Variants in KIAA1217 observed in about 807,000 individuals in gnomAD.
KIAA1217 encodes the protein KIAA1217.
A neutral mutation model predicts 163.9 loss-of-function variants in KIAA1217; 88 were observed. The ratio of observed to expected loss-of-function variants is 0.54; its 90% CI spans 0.45 to 0.64. KIAA1217 has a LOEUF of 0.64. KIAA1217 is among the 30% of genes least tolerant of loss of function. The pLI is 0.00. For synonymous variants in KIAA1217, 903 were observed against 923.1 expected (o/e 0.98, Z 0.39); for missense variants, 2,372 against 2,475.0 (o/e 0.96, Z 0.88).
intron 2 of KIAA1217, among the ~76,000 whole-genome samples, chr10:24,105,010 G>A (rs1355198232): frequency 2.0e-5 from 3 of 151,954 alleles, no homozygotes; most frequent in East Asian, 3.9e-4. Context: ...TTGGAATTTG[G>A]TGAAGATACC....
chr10:24,102,484 C>T (rs1036730065), intron 2 of KIAA1217, among the ~76,000 whole-genome samples: 6 of 152,082 alleles, frequency 3.9e-5, no homozygotes, highest in Non-Finnish European at 5.9e-5. Context: ...TGTATAGATT[C>T]AATGAAATCC....
intron 1 of KIAA1217, among the ~76,000 whole-genome samples, chr10:23,747,457 C>G (rs1215712242): frequency 4.6e-5 from 7 of 151,986 alleles, no homozygotes; most frequent in Admixed American, 3.3e-4. Flanking sequence ...GGTGTAAGTC[C>G]AGGCAACAGA....
chr10:24,520,071 C>T, intron 10 of KIAA1217, 52 bp from the exon 11 acceptor site: 1 of 1,560,282 alleles, frequency 6.4e-7, no homozygotes, highest in East Asian at 2.3e-5. Flanking sequence ...CCTCCTCTTC[C>T]TCTGTGAGGC....
rs143282203 is a variant in KIAA1217, at chr10:24,473,842, C to T, written c.1461C>T (p.His487=). Residue 487 remains histidine, a synonymous_variant, in exon 6 of 21, where the codon CAC becomes CAT. Coordinates refer to ENST00000376454, the MANE Select transcript of KIAA1217 (RefSeq NM_019590.5). ...RVSDLRMIDM[H]AHYNAHGPPH... is the part of the protein sequence containing the mutation. Reference sequence around the variant, plus strand: ...GTGACCTGAGGATGATAGACATGCACGCTCACTATAATGCCCACGGCCCCC... The same window carrying T: ...GTGACCTGAGGATGATAGACATGCATGCTCACTATAATGCCCACGGCCCCC... The T allele has an allele frequency of 3.0e-3, 4,908 of 1,614,142 alleles. 11 individuals carry two copies. The highest frequency in any genetic ancestry group is 3.5e-3 in the Non-Finnish European group (4,119 of 1,180,016).
At chr10:23,953,918 T>G (rs1267921771) in intron 1 of KIAA1217, among the ~76,000 whole-genome samples, 1 of 152,238 alleles carries the variant, frequency 6.6e-6, no homozygotes, top group South Asian at 2.1e-4. Flanking sequence ...TTACCTTTTT[T>G]CCCACAATTA....
chr10:24,455,691 G>A (rs1262440502), intron 5 of KIAA1217, among the ~76,000 whole-genome samples: 2 of 152,302 alleles, frequency 1.3e-5, no homozygotes, highest in East Asian at 3.9e-4. Context: ...TGTTCTCCCA[G>A]GTGGTAAGAT....
intron 1 of KIAA1217, among the ~76,000 whole-genome samples, chr10:23,726,100 A>G (rs1838115340): frequency 6.6e-6 from 1 of 152,058 alleles, no homozygotes; most frequent in East Asian, 1.9e-4. Flanking sequence ...TTAAGGAAGT[A>G]TTTCTCTTAA....
At chr10:24,186,290 T>C (rs1333913869) in intron 2 of KIAA1217, among the ~76,000 whole-genome samples, 1 of 152,162 alleles carries the variant, frequency 6.6e-6, no homozygotes, top group Admixed American at 6.5e-5. Flanking sequence ...AATTTGAAAA[T>C]CCTCTGGTTT....
intron 2 of KIAA1217, among the ~76,000 whole-genome samples, chr10:24,355,728 CTTTTTTTTTTTTTTTTTTTTTTTTT>C (rs869211148): frequency 2.2e-4 from 7 of 32,170 alleles, no homozygotes; most frequent in Non-Finnish European, 3.6e-4. Context: ...AGTCCTCACT[CTTTTTTTTTTTTTTTTTTTTTTTTT>C]TTTTTTTTTT....
At chr10:24,481,577 C>T (rs145296037) in intron 6 of KIAA1217, 1 of 152,134 alleles carries the variant, frequency 6.6e-6, no homozygotes, top group Non-Finnish European at 1.5e-5. Flanking sequence ...TGAGGAACGA[C>T]GACAGGACTA....
chr10:23,975,949 C>A (rs994866846), intron 1 of KIAA1217, among the ~76,000 whole-genome samples: 2 of 152,162 alleles, frequency 1.3e-5, no homozygotes, highest in African/African-American at 4.8e-5. Flanking sequence ...GGCCATTCAA[C>A]TCTAGGAGCT....
At chr10:24,320,328 AT>A (rs2133275825) in intron 2 of KIAA1217, among the ~76,000 whole-genome samples, 1 of 152,338 alleles carries the variant, frequency 6.6e-6, no homozygotes, top group South Asian at 2.1e-4. Context: ...CTAATCACAA[AT>A]ATAACTTGTG....
intron 1 of KIAA1217, among the ~76,000 whole-genome samples, chr10:23,980,944 T>C (rs1055968578): frequency 6.6e-6 from 1 of 152,228 alleles, no homozygotes; most frequent in Non-Finnish European, 1.5e-5. Context: ...CTATTTTTAC[T>C]CTGAAATCTA....
intron 1 of KIAA1217, among the ~76,000 whole-genome samples, chr10:23,736,078 C>T (rs1838779649): frequency 6.6e-6 from 1 of 152,244 alleles, no homozygotes; most frequent in Non-Finnish European, 1.5e-5. Context: ...ATGAGAGTTT[C>T]ATCATGATAC....
At chr10:24,334,441 AAGGAAGGAAGGAAG>A (rs2046083014) in intron 2 of KIAA1217, among the ~76,000 whole-genome samples, 1 of 46,812 alleles carries the variant, frequency 2.1e-5, no homozygotes, top group African/African-American at 5.0e-5. Context: ...GGAAGGATGG[AAGGAAGGAAGGAAG>A]GAAGGAAGGA....
chr10:24,194,308 C>T (rs1237484632), intron 2 of KIAA1217, among the ~76,000 whole-genome samples: 2 of 125,278 alleles, frequency 1.6e-5, no homozygotes, highest in East Asian at 2.6e-4. Flanking sequence ...TCTCCCCTCC[C>T]CTCCTCTCCC....
chr10:24,374,216 A>G (rs1211482483), intron 2 of KIAA1217, among the ~76,000 whole-genome samples: 2 of 152,220 alleles, frequency 1.3e-5, no homozygotes, highest in Non-Finnish European at 2.9e-5. Context: ...CCTCAACTTA[A>G]GCTAGGAGAA....
chr10:24,280,809 CA>C (rs71281596), intron 2 of KIAA1217, among the ~76,000 whole-genome samples: 198 of 106,244 alleles, frequency 1.9e-3, no homozygotes, highest in Middle Eastern at 5.9e-3. Flanking sequence ...GACTCCGTCT[CA>C]AAAAAAAAAA....
chr10:24,330,869 C>T (rs1204151541), intron 2 of KIAA1217, among the ~76,000 whole-genome samples: 1 of 152,114 alleles, frequency 6.6e-6, no homozygotes, highest in Non-Finnish European at 1.5e-5. Flanking sequence ...CCACCTTGGC[C>T]TCCTAAAGTA....
Sources: gnomAD v4.1 joint callset for allele counts (sites outside exome capture counted in the v4.1 genomes callset) on GRCh38, gnomAD v4.1.1 for gene constraint, MANE v1.5 for transcripts, NCBI Gene and HGNC (gene_info 2026-07-23, HGNC 2026-07-21) for gene names.